The following EPYC variants were observed in gnomAD, a reference collection of about 807,000 sequenced individuals.
EPYC encodes epiphycan, also known as dermatan sulfate proteoglycan 3.
In EPYC, 28 loss-of-function variants were observed where a neutral mutation model predicts 30.1. The observed-to-expected ratio is 0.93, with a 90% CI of 0.69 to 1.28. EPYC has a LOEUF of 1.28. EPYC is among the 50% of genes most tolerant of loss of function. The pLI is 0.00. For synonymous variants in EPYC, 144 were observed against 141.4 expected, an observed-to-expected ratio of 1.02 and a Z score of -0.13; for missense variants, 382 against 383.5, an observed-to-expected ratio of 1.00 and a Z score of 0.03.
chr12:90,974,312 G>A (rs1235015346), intron 3 of EPYC, among the ~76,000 whole-genome samples: 1 of 152,056 alleles, frequency 6.6e-6, no homozygotes, highest in African/African-American at 2.4e-5. Context: ...TTATTGCAGT[G>A]GTTATCAGAG....
chr12:90,989,713 A>T (rs1479012006), intron 2 of EPYC, among the ~76,000 whole-genome samples: 3 of 151,984 alleles, frequency 2.0e-5, no homozygotes, highest in Non-Finnish European at 4.4e-5. Flanking sequence ...CTTTGCTCAC[A>T]TACTTCTCTT....
intron 3 of EPYC, among the ~76,000 whole-genome samples, chr12:90,976,695 G>T (rs1157560045): frequency 6.6e-6 from 1 of 152,024 alleles, no homozygotes; most frequent in East Asian, 1.9e-4. Context: ...GATATTGTTT[G>T]GCTGTGTCCC....
intron 3 of EPYC, among the ~76,000 whole-genome samples, chr12:90,975,413 A>G (rs1213404784): frequency 2.0e-5 from 3 of 152,060 alleles, no homozygotes; most frequent in Non-Finnish European, 4.4e-5. Flanking sequence ...AGTAGTAAAA[A>G]TATGGTATTT....
At chr12:90,981,411 C>A (rs1877322172) in intron 2 of EPYC, among the ~76,000 whole-genome samples, 1 of 152,048 alleles carries the variant, frequency 6.6e-6, no homozygotes, top group Admixed American at 6.6e-5. Flanking sequence ...TGAACTGGGA[C>A]TTTTACTAGC....
intron 2 of EPYC, among the ~76,000 whole-genome samples, chr12:90,999,370 C>T (rs531802252): frequency 1.9e-3 from 295 of 152,110 alleles, no homozygotes; most frequent in South Asian, 5.4e-3. Flanking sequence ...GAAACTGGTA[C>T]ATATGTTAAA....
intron 2 of EPYC, among the ~76,000 whole-genome samples, chr12:90,994,108 A>T (rs900161962): frequency 1.3e-5 from 2 of 152,146 alleles, no homozygotes; most frequent in Non-Finnish European, 2.9e-5. Context: ...TGAGAATGCC[A>T]AGGCACAGGA....
chr12:90,978,821 T>C (rs753977335), intron 2 of EPYC, among the ~76,000 whole-genome samples: 2 of 152,124 alleles, frequency 1.3e-5, no homozygotes, highest in African/African-American at 2.4e-5. Flanking sequence ...CTGAAAAGTA[T>C]CCTTTATACT....
chr12:90,987,336 A>G (rs1877476171), intron 2 of EPYC, among the ~76,000 whole-genome samples: 1 of 149,766 alleles, frequency 6.7e-6, no homozygotes, highest in Non-Finnish European at 1.5e-5. Context: ...CCCACACAGA[A>G]ACATTCCAAG....
intron 5 of EPYC, among the ~76,000 whole-genome samples, 171 bp downstream of exon 5, chr12:90,971,629 C>T (rs1746203044): frequency 6.6e-6 from 1 of 151,240 alleles, no homozygotes; most frequent in Admixed American, 6.6e-5. Context: ...GCTGTGATCG[C>T]ACCACTGCAC....
intron 3 of EPYC, 92 bp downstream of exon 3, chr12:90,977,996 C>T (rs1043966417): frequency 8.6e-5 from 103 of 1,190,936 alleles, no homozygotes; most frequent in Non-Finnish European, 1.1e-4. Context: ...TTTCTTGGGT[C>T]ATGTCATGTG....
chr12:91,001,837 T>C (rs574946315), intron 2 of EPYC, among the ~76,000 whole-genome samples: 2 of 152,156 alleles, frequency 1.3e-5, no homozygotes, highest in African/African-American at 4.8e-5. Context: ...TTCACAGAAA[T>C]ACATTTTTAT....
At chr12:90,972,791 C>A (rs369410885) in intron 4 of EPYC, 31 bp downstream of exon 4, 7 of 1,584,882 alleles carry the variant, frequency 4.4e-6, no homozygotes, top group Middle Eastern at 1.7e-4. Flanking sequence ...GTGTGTAAAG[C>A]GGTGAAGGCC....
chr12:90,977,533 C>T (rs1877216078), intron 3 of EPYC, among the ~76,000 whole-genome samples: 1 of 152,062 alleles, frequency 6.6e-6, no homozygotes, highest in East Asian at 1.9e-4. Flanking sequence ...TATGTAACAG[C>T]TTTGTGATGT....
intron 4 of EPYC, 64 bp from the exon 5 acceptor site, chr12:90,972,066 G>T (rs983028431): frequency 8.0e-5 from 81 of 1,014,020 alleles, no homozygotes; most frequent in Non-Finnish European, 9.8e-5. Context: ...AAATATAAAT[G>T]TAATTTTCCT....
At chr12:90,972,781 G>A (rs769830387) in intron 4 of EPYC, 41 bp downstream of exon 4, 3 of 1,500,366 alleles carry the variant, frequency 2.0e-6, no homozygotes, top group South Asian at 1.4e-5. Flanking sequence ...TTTAAAGGAA[G>A]TGTGTAAAGC....
intron 6 of EPYC, among the ~76,000 whole-genome samples, chr12:90,968,610 C>T (rs1020581762): frequency 6.6e-6 from 1 of 152,082 alleles, no homozygotes; most frequent in Admixed American, 6.6e-5. Flanking sequence ...TTTTAAGTTG[C>T]ACTTATTGAC....
intron 5 of EPYC, among the ~76,000 whole-genome samples, chr12:90,971,240 C>A (rs1338066194): frequency 6.6e-6 from 1 of 152,174 alleles, no homozygotes; most frequent in Non-Finnish European, 1.5e-5. Context: ...TAGCCACCAA[C>A]TTCTTATTCT....
chr12:90,975,686 C>T (rs1035746727), intron 3 of EPYC, among the ~76,000 whole-genome samples: 2 of 152,038 alleles, frequency 1.3e-5, no homozygotes, highest in Non-Finnish European at 2.9e-5. Context: ...CATACAGGTA[C>T]TGATACAAGA....
chr12:90,965,666 A>C (rs1425178939), intron 6 of EPYC, among the ~76,000 whole-genome samples: 1 of 152,140 alleles, frequency 6.6e-6, no homozygotes, highest in African/African-American at 2.4e-5. Context: ...TTATTAGTTC[A>C]AATACTTTAG....
Sources: gnomAD v4.1 joint callset for allele counts (sites outside exome capture counted in the v4.1 genomes callset) on GRCh38, gnomAD v4.1.1 for gene constraint, MANE v1.5 for transcripts, NCBI Gene and HGNC (gene_info 2026-07-23, HGNC 2026-07-21) for gene names.